Variants in SAMMSON observed in about 807,000 individuals in gnomAD.
SAMMSON encodes the protein survival associated mitochondrial melanoma specific oncogenic non-coding RNA, also known as long intergenic non-protein coding RNA 1212.
chr3:70,429,572 C>A (rs1342619810), intron 2 of SAMMSON, among the ~76,000 whole-genome samples: 1 of 152,168 alleles, frequency 6.6e-6, no homozygotes, highest in African/African-American at 2.4e-5. Context: ...TGGCCATTTT[C>A]ATGATATTGA....
chr3:70,077,358 C>T (rs2067251496), intron 4 of SAMMSON, among the ~76,000 whole-genome samples: 1 of 151,944 alleles, frequency 6.6e-6, no homozygotes, highest in South Asian at 2.1e-4. Flanking sequence ...TTGAGATGTG[C>T]AAATTTGAAA....
At chr3:70,231,556 G>A (rs1701560204) in intron 4 of SAMMSON, among the ~76,000 whole-genome samples, 2 of 152,304 alleles carry the variant, frequency 1.3e-5, no homozygotes, top group Non-Finnish European at 2.9e-5. Context: ...TGTTAGTTGT[G>A]CTGGATGATT....
intron 6 of SAMMSON, among the ~76,000 whole-genome samples, chr3:70,287,376 A>G (rs1575616111): frequency 6.6e-6 from 1 of 150,902 alleles, no homozygotes; most frequent in South Asian, 2.1e-4. Flanking sequence ...ATTTGCATAT[A>G]TTGAACCAGC....
At chr3:70,180,940 C>A (rs1159782787) in intron 4 of SAMMSON, among the ~76,000 whole-genome samples, 2 of 152,100 alleles carry the variant, frequency 1.3e-5, no homozygotes, top group Admixed American at 6.5e-5. Flanking sequence ...AGAACAGCAA[C>A]AACAAATGGG....
chr3:70,132,700 C>T (rs929574735), intron 4 of SAMMSON, among the ~76,000 whole-genome samples: 1 of 148,936 alleles, frequency 6.7e-6, no homozygotes, highest in African/African-American at 2.5e-5. Flanking sequence ...CCAGCACTTT[C>T]GGAGGCCAAG....
chr3:70,044,036 T>A (rs1000804633), intron 3 of SAMMSON, among the ~76,000 whole-genome samples: 1 of 152,110 alleles, frequency 6.6e-6, no homozygotes, highest in South Asian at 2.1e-4. Flanking sequence ...AGGGAAGATA[T>A]TCCTACGAAT....
chr3:70,286,845 T>G (rs1273864623), intron 6 of SAMMSON, among the ~76,000 whole-genome samples: 1 of 152,152 alleles, frequency 6.6e-6, no homozygotes, highest in Non-Finnish European at 1.5e-5. Context: ...TTCTCATGAT[T>G]TGGCTCTCTG....
At chr3:70,246,257 A>C (rs1701707670) in intron 4 of SAMMSON, among the ~76,000 whole-genome samples, 1 of 152,164 alleles carries the variant, frequency 6.6e-6, no homozygotes, top group Middle Eastern at 3.4e-3. Context: ...TGTTTTGTTC[A>C]CCAGGAGGAA....
chr3:70,057,157 A>G (rs2067170814), intron 3 of SAMMSON, among the ~76,000 whole-genome samples: 1 of 152,056 alleles, frequency 6.6e-6, no homozygotes, highest in African/African-American at 2.4e-5. Context: ...TCACCACATG[A>G]CCTTGCCCAA....
rs548938834 is a variant in SAMMSON, at chr3:70,198,967, C to T, written n.508-50140C>T. On this transcript the variant is annotated intron_variant and non_coding_transcript_variant, in intron 4 of 9. Transcript: ENST00000642114. Reference sequence around the variant, plus strand: ...TGGTCAAAGATGAGGGACATACAACCTCATCGAGTTTTACCAATATGAAGA... The same window carrying T: ...TGGTCAAAGATGAGGGACATACAACTTCATCGAGTTTTACCAATATGAAGA... Among the ~76,000 whole-genome samples, 3 of 152,246 alleles carry T rather than the reference C, an allele frequency of 2.0e-5. No homozygotes were observed. The South Asian group carries it at 6.2e-4, about 32-fold the overall frequency.
intron 8 of SAMMSON, among the ~76,000 whole-genome samples, chr3:70,354,806 G>C (rs539252689): frequency 1.3e-5 from 2 of 152,134 alleles, no homozygotes; most frequent in Non-Finnish European, 2.9e-5. Flanking sequence ...TTCACCCAGC[G>C]TTCCTTCCCT....
chr3:70,258,440 A>G (rs1701837281), intron 6 of SAMMSON, among the ~76,000 whole-genome samples: 1 of 152,168 alleles, frequency 6.6e-6, no homozygotes, highest in Non-Finnish European at 1.5e-5. Context: ...AGAGAGAGAG[A>G]GAGATTTACT....
At chr3:70,138,639 A>G (rs1295605419) in intron 4 of SAMMSON, among the ~76,000 whole-genome samples, 3 of 152,202 alleles carry the variant, frequency 2.0e-5, no homozygotes, top group Non-Finnish European at 4.4e-5. Flanking sequence ...TTTCTCACAC[A>G]CAAGATACAT....
chr3:70,235,950 C>T (rs1019786396), intron 4 of SAMMSON, among the ~76,000 whole-genome samples: 8 of 152,136 alleles, frequency 5.3e-5, no homozygotes, highest in Non-Finnish European at 1.2e-4. Context: ...TTTTTCCCAC[C>T]ATCATGATTC....
At chr3:70,136,886 CA>C (rs1459415282) in intron 4 of SAMMSON, among the ~76,000 whole-genome samples, 1 of 152,062 alleles carries the variant, frequency 6.6e-6, no homozygotes, top group Non-Finnish European at 1.5e-5. Flanking sequence ...TTATGATCAA[CA>C]GAAAACATAT....
At position 70,153,654 on chromosome 3, in the gene SAMMSON, T is replaced by C. The variant is rs551676139; in HGVS notation, n.507+82089T>C. Among the ~76,000 whole-genome samples, 77 of 152,176 alleles carry C rather than the reference T, an allele frequency of 5.1e-4. 1 individual carries two copies. Among genetic ancestry groups the C allele is most frequent in the Admixed American group, 1.6e-3 (25 of 15,258 alleles). ...CACCTAAACTATATTAAATATATTCTATATTTTTGCGATTTTTAAAAAACT... is the reference window on the plus strand; with the variant it reads ...CACCTAAACTATATTAAATATATTCCATATTTTTGCGATTTTTAAAAAACT... On this transcript the variant is annotated intron_variant and non_coding_transcript_variant, in intron 4 of 9. Coordinates refer to ENST00000642114, the Ensembl canonical transcript of SAMMSON.
chr3:70,093,886 G>A (rs1006494299), intron 4 of SAMMSON, among the ~76,000 whole-genome samples: 2 of 152,072 alleles, frequency 1.3e-5, no homozygotes, highest in African/African-American at 4.8e-5. Flanking sequence ...TTCTTAAATG[G>A]GTGATTGAAG....
At chr3:70,337,312 G>A (rs1702672639) in intron 7 of SAMMSON, among the ~76,000 whole-genome samples, 1 of 150,892 alleles carries the variant, frequency 6.6e-6, no homozygotes, top group Admixed American at 6.6e-5. Context: ...TGCTCTGGTG[G>A]TCCCAGATTT....
chr3:70,108,724 A>C (rs954184473), intron 4 of SAMMSON, among the ~76,000 whole-genome samples: 1 of 151,914 alleles, frequency 6.6e-6, no homozygotes, highest in African/African-American at 2.4e-5. Context: ...GCATGCACAC[A>C]AAGAAGTCCT....
Sources: allele counts gnomAD v4.1 joint callset (sites outside exome capture counted in the v4.1 genomes callset), GRCh38; gene constraint gnomAD v4.1.1; transcripts MANE v1.5; gene names NCBI Gene and HGNC (gene_info 2026-07-23, HGNC 2026-07-21).